Variants in ABI2 observed in about 807,000 individuals in gnomAD.
The protein encoded by ABI2 is abelson interactor 2.
Under a neutral mutation model 59.2 loss-of-function variants are expected in ABI2, and 25 were observed. The observed-to-expected ratio is 0.42, with a 90% CI of 0.31 to 0.59. ABI2 has a LOEUF of 0.59. ABI2 is among the 20% of genes least tolerant of loss of function. ABI2 has a pLI of 0.14. For missense variants in ABI2, 545 were observed against 681.8 expected, an observed-to-expected ratio of 0.80 and a Z score of 2.23; for synonymous variants, 213 against 235.5, an observed-to-expected ratio of 0.90 and a Z score of 0.87.
Position 203,396,925 on chromosome 2 carries a change from A to G in ABI2, c.991A>G (p.Thr331Ala). Residue 331 changes from threonine to alanine, a missense_variant, in exon 8 of 12, where the codon ACT (threonine) becomes GCT (alanine). Around this residue, in one of 4 missense-constraint regions of ABI2, gnomAD observed 410 missense variants for 435.6 expected, o/e 0.94. Transcript: ENST00000261018. ...TGCCCAGACCCTTGCTGATGGCTTC[A>G]CTTCTCCAACTCCCCCTGTTGTTTC... is the stretch of plus-strand genomic sequence containing the variant. ...GGAQTLADGF[T>A]SPTPPVVSST... 6.6e-7 allele frequency: 1 copy of G among 1,522,118 alleles called. No individual in the cohort carries two copies. Among genetic ancestry groups the G allele is most frequent in the Non-Finnish European group, 8.8e-7 (1 of 1,141,510 alleles). 94.3% of individuals were successfully genotyped at this position (1,522,118 alleles called of 1,614,324 possible). A position where few individuals can be genotyped will look rare whatever the true frequency, so the allele number is the denominator to read the frequency against.
At chr2:203,412,423 A>G (rs1017480398) in intron 10 of ABI2, among the ~76,000 whole-genome samples, 5 of 152,132 alleles carry the variant, frequency 3.3e-5, no homozygotes, top group Non-Finnish European at 5.9e-5. Flanking sequence ...TTAACTAATA[A>G]TTCAGTCTTA....
chr2:203,342,497 A>G (rs1452834160), intron 1 of ABI2, among the ~76,000 whole-genome samples: 2 of 152,156 alleles, frequency 1.3e-5, no homozygotes, highest in African/African-American at 4.8e-5. Context: ...TAGTACCACA[A>G]GTTTTCTGCC....
rs905140619 is a variant in ABI2, at chr2:203,430,635, CT to C, written c.*3285del. The C allele has an allele frequency of 5.9e-5, 9 of 152,332 alleles. No homozygotes were observed. The highest frequency in any genetic ancestry group is 6.8e-3 in the Middle Eastern group (2 of 294). 9.4% of individuals were successfully genotyped at this position (152,332 alleles called of 1,614,324 possible). On this transcript the variant is annotated 3_prime_UTR_variant, in exon 12 of 12. Transcript: ENST00000261018. ...TTTAATATTTTCCATCATTTAGCTACTTCCTATCTCCCTCAGAGGCGCCTGC... is the reference window on the plus strand; with the variant it reads ...TTTAATATTTTCCATCATTTAGCTACTCCTATCTCCCTCAGAGGCGCCTGC...
intron 1 of ABI2, among the ~76,000 whole-genome samples, chr2:203,341,377 A>T (rs1328256332): frequency 6.6e-6 from 1 of 152,192 alleles, no homozygotes; most frequent in Non-Finnish European, 1.5e-5. Flanking sequence ...AGCGAATTAG[A>T]TCTTTTCTAG....
intron 10 of ABI2, among the ~76,000 whole-genome samples, chr2:203,415,611 C>T (rs185417716): frequency 1.2e-3 from 133 of 113,858 alleles, no homozygotes; most frequent in Middle Eastern, 6.0e-3. Context: ...AGCGAGACTC[C>T]GTCTCAAAAA....
chr2:203,358,839 A>G (rs574684601), intron 1 of ABI2, among the ~76,000 whole-genome samples: 33 of 152,256 alleles, frequency 2.2e-4, no homozygotes, highest in African/African-American at 7.0e-4. Flanking sequence ...GCGAAACCCA[A>G]TCTCTACTAA....
chr2:203,402,849 A>C, intron 9 of ABI2, 115 bp downstream of exon 9: 1 of 726,078 alleles, frequency 1.4e-6, no homozygotes, highest in African/African-American at 1.8e-5. Flanking sequence ...CATTTGTTGA[A>C]TGAATGGGAG....
At chr2:203,407,395 G>A (rs1257824477) in intron 9 of ABI2, among the ~76,000 whole-genome samples, 1 of 152,142 alleles carries the variant, frequency 6.6e-6, no homozygotes, top group Non-Finnish European at 1.5e-5. Flanking sequence ...AATGACTTTA[G>A]AAGTAGTTTT....
At chr2:203,412,994 G>A (rs776543370) in intron 10 of ABI2, among the ~76,000 whole-genome samples, 4 of 152,114 alleles carry the variant, frequency 2.6e-5, no homozygotes, top group Non-Finnish European at 4.4e-5. Context: ...TCACAAATCC[G>A]GTTTAATCAC....
chr2:203,370,142 A>G (rs989087699), intron 2 of ABI2, among the ~76,000 whole-genome samples: 1 of 151,238 alleles, frequency 6.6e-6, no homozygotes, highest in East Asian at 1.9e-4. Flanking sequence ...ATGTGTTGAT[A>G]ACTATTTTAG....
intron 9 of ABI2, among the ~76,000 whole-genome samples, chr2:203,407,888 A>G (rs981137623): frequency 6.6e-6 from 1 of 152,130 alleles, no homozygotes; most frequent in Non-Finnish European, 1.5e-5. Flanking sequence ...TTTCAGCTCA[A>G]CTCCAAGAAA....
intron 10 of ABI2, among the ~76,000 whole-genome samples, chr2:203,412,367 A>C (rs1185398622): frequency 1.3e-5 from 2 of 152,184 alleles, no homozygotes; most frequent in Non-Finnish European, 2.9e-5. Context: ...GTAGCTGACC[A>C]AATGCCCCCC....
rs2072498779 is a variant in ABI2 at position 203,330,485 on chromosome 2, C to T, written c.117+1854C>T. Among the ~76,000 whole-genome samples the T allele has an allele frequency of 3.3e-5, 5 of 151,184 alleles. No homozygotes were observed. The South Asian group carries it at 1.0e-3, about 32-fold the overall frequency. Reference sequence around the variant, plus strand: ...AGAACTGTGTGAGGGGTGGATGGTACATACCTAGTAGGAGAGGCTGATCTT... The same window carrying T: ...AGAACTGTGTGAGGGGTGGATGGTATATACCTAGTAGGAGAGGCTGATCTT... On this transcript the variant is annotated intron_variant, in intron 1 of 11. Transcript: ENST00000261018.
intron 10 of ABI2, among the ~76,000 whole-genome samples, chr2:203,415,336 C>G (rs1277873368): frequency 6.6e-6 from 1 of 152,082 alleles, no homozygotes. Flanking sequence ...CCATTTAATT[C>G]ACCGGGCGCG....
At chr2:203,408,864 C>T in intron 9 of ABI2, among the ~76,000 whole-genome samples, 1 of 53,262 alleles carries the variant, frequency 1.9e-5, no homozygotes, top group South Asian at 8.9e-4. Flanking sequence ...CGGAGTCTCG[C>T]TCTGTCGCCC....
At chr2:203,413,565 C>G (rs763530027) in intron 10 of ABI2, among the ~76,000 whole-genome samples, 1 of 152,050 alleles carries the variant, frequency 6.6e-6, no homozygotes, top group Non-Finnish European at 1.5e-5. Context: ...TCATCTTTTC[C>G]TACAATCATA....
intron 8 of ABI2, among the ~76,000 whole-genome samples, chr2:203,398,266 A>T (rs1028752594): frequency 6.6e-6 from 1 of 152,212 alleles, no homozygotes; most frequent in Non-Finnish European, 1.5e-5. Context: ...TGTTAGGCCA[A>T]ACTAACTAGT....
intron 2 of ABI2, among the ~76,000 whole-genome samples, chr2:203,372,675 G>A (rs1300803220): frequency 2.0e-5 from 3 of 151,868 alleles, no homozygotes; most frequent in Non-Finnish European, 4.4e-5. Flanking sequence ...TTCCCAGACG[G>A]GGTGGCTGCC....
chr2:203,342,192 A>G, intron 1 of ABI2: 1 of 456,134 alleles, frequency 2.2e-6, no homozygotes, highest in South Asian at 1.6e-5. Context: ...GTCGTTCAAA[A>G]ATAGTTATTG....
Sources: allele counts gnomAD v4.1 joint callset (sites outside exome capture counted in the v4.1 genomes callset), GRCh38; gene constraint gnomAD v4.1.1; regional missense constraint gnomAD v4.1.1; transcripts MANE v1.5; gene names NCBI Gene and HGNC (gene_info 2026-07-23, HGNC 2026-07-21).